CUX1: variants seen among roughly 807,000 people sequenced by gnomAD.
CUX1 encodes protein CASP.
Under a neutral mutation model 158.8 loss-of-function variants are expected in CUX1, and 31 were observed. The observed-to-expected ratio is 0.20, with a 90% CI of 0.15 to 0.26. CUX1 has a LOEUF of 0.26. Ranked by LOEUF, CUX1 falls within the 10% of genes least tolerant of loss-of-function variation. The pLI is 1.00. For synonymous variants in CUX1, 879 were observed against 862.1 expected (o/e 1.02, Z -0.34); for missense variants, 1,589 against 2,014.6 (o/e 0.79, Z 4.04).
intron 2 of CUX1, among the ~76,000 whole-genome samples, chr7:101,975,866 C>CA (rs781655512): frequency 6.6e-5 from 10 of 152,054 alleles, no homozygotes; most frequent in Non-Finnish European, 1.2e-4. Flanking sequence ...TAAGGCCGGG[C>CA]ACAGCTGCTC....
At chr7:102,045,450 C>T (rs1185256679) in intron 3 of CUX1, among the ~76,000 whole-genome samples, 1 of 152,244 alleles carries the variant, frequency 6.6e-6, no homozygotes, top group Non-Finnish European at 1.5e-5. Flanking sequence ...GCGCCCCCTC[C>T]GATGTGGGCT....
intron 20 of CUX1, among the ~76,000 whole-genome samples, chr7:102,209,378 C>T (rs1167171916): frequency 6.6e-6 from 1 of 152,178 alleles, no homozygotes; most frequent in Non-Finnish European, 1.5e-5. Context: ...CATTTTTAAG[C>T]AGCAGCGTCA....
chr7:102,068,582 G>T (rs1290512792), intron 3 of CUX1, among the ~76,000 whole-genome samples: 1 of 152,166 alleles, frequency 6.6e-6, no homozygotes, highest in African/African-American at 2.4e-5. Flanking sequence ...GCTCCCACTA[G>T]CCATCGTCCC....
At chr7:102,220,203 A>C (rs1797670638) in intron 20 of CUX1, among the ~76,000 whole-genome samples, 1 of 152,164 alleles carries the variant, frequency 6.6e-6, no homozygotes, top group South Asian at 2.1e-4. Context: ...TCTACTAAAA[A>C]TACAAAAATT....
intron 6 of CUX1, among the ~76,000 whole-genome samples, chr7:102,108,368 C>T (rs782277653): frequency 6.6e-6 from 1 of 152,126 alleles, no homozygotes; most frequent in South Asian, 2.1e-4. Context: ...TTTTTTGAGA[C>T]AGAGTCTTGC....
At chr7:102,076,982 C>T (rs1826803910) in intron 4 of CUX1, among the ~76,000 whole-genome samples, 5 of 149,670 alleles carry the variant, frequency 3.3e-5, no homozygotes, top group Admixed American at 1.3e-4. Context: ...TGCAGTGAGC[C>T]AAGATCACGC....
At chr7:102,172,931 T>A (rs1791891716) in intron 10 of CUX1, among the ~76,000 whole-genome samples, 3 of 152,080 alleles carry the variant, frequency 2.0e-5, no homozygotes, top group African/African-American at 7.2e-5. Context: ...CATGGTGGTA[T>A]GTGCCTGTAG....
At chr7:102,069,319 A>G (rs1483083217) in intron 3 of CUX1, among the ~76,000 whole-genome samples, 4 of 152,072 alleles carry the variant, frequency 2.6e-5, no homozygotes, top group African/African-American at 9.7e-5. Context: ...CAGCTCCTGC[A>G]TATGTATCCG....
intron 15 of CUX1, chr7:102,274,047 C>G: frequency 1.7e-6 from 1 of 573,202 alleles, no homozygotes; most frequent in Non-Finnish European, 3.2e-6. Context: ...AGGAGTGACT[C>G]AGGGCCCAGC....
intron 2 of CUX1, chr7:101,932,447 A>G: frequency 5.1e-6 from 2 of 395,310 alleles, no homozygotes; most frequent in Non-Finnish European, 5.1e-6. Flanking sequence ...GTTCTTTTGC[A>G]CTTTTGCATT....
intron 7 of CUX1, among the ~76,000 whole-genome samples, chr7:102,114,163 T>C (rs574577419): frequency 2.0e-5 from 3 of 152,224 alleles, no homozygotes; most frequent in Non-Finnish European, 4.4e-5. Context: ...TCAAGAAATA[T>C]TCATACCGTC....
In CUX1 at chr7:102,253,584, C is replaced by G. The variant is rs2132673023; in HGVS notation, c.*4542C>G. On this transcript the variant is annotated 3_prime_UTR_variant, in exon 24 of 24. Coordinates refer to ENST00000292535, the MANE Select transcript of CUX1 (RefSeq NM_181552.4). Reference sequence around the variant, plus strand: ...TTCCTCTGATTTTAGCAAAGCAAATCTTACTGAAAAATAGCAGAGCCAGGG... The same window carrying G: ...TTCCTCTGATTTTAGCAAAGCAAATGTTACTGAAAAATAGCAGAGCCAGGG... The G allele has an allele frequency of 1.0e-6, 1 of 985,444 alleles. No homozygotes were observed. The highest frequency in any genetic ancestry group is 1.2e-6 in the Non-Finnish European group (1 of 829,944). 61.0% of individuals were successfully genotyped at this position (985,444 alleles called of 1,614,324 possible).
At chr7:102,047,398 T>C (rs1056797842) in intron 3 of CUX1, among the ~76,000 whole-genome samples, 1 of 150,484 alleles carries the variant, frequency 6.6e-6, no homozygotes, top group African/African-American at 2.4e-5. Flanking sequence ...GATGGATGGA[T>C]AGATGATTGG....
intron 1 of CUX1, among the ~76,000 whole-genome samples, chr7:101,905,700 A>G (rs960345634): frequency 2.6e-5 from 4 of 152,216 alleles, no homozygotes; most frequent in Non-Finnish European, 1.5e-5. Flanking sequence ...CCTTCTGTTC[A>G]TTCGGCCCTA....
chr7:101,991,139 G>A (rs185349121), intron 2 of CUX1, among the ~76,000 whole-genome samples: 11 of 152,226 alleles, frequency 7.2e-5, no homozygotes, highest in South Asian at 2.1e-4. Context: ...CGCTTCCCCC[G>A]GGTGGCTTAT....
intron 2 of CUX1, among the ~76,000 whole-genome samples, chr7:102,021,846 C>T (rs576055117): frequency 6.6e-6 from 1 of 152,118 alleles, no homozygotes; most frequent in Non-Finnish European, 1.5e-5. Flanking sequence ...CAGGTGTGAG[C>T]CACCACACCC....
intron 8 of CUX1, 59 bp from the exon 9 acceptor site, chr7:102,158,501 G>T: frequency 6.4e-7 from 1 of 1,573,644 alleles, no homozygotes; most frequent in Non-Finnish European, 8.7e-7. Context: ...TGTCCCATCA[G>T]TCACCCCCTG....
intron 3 of CUX1, among the ~76,000 whole-genome samples, chr7:102,048,470 G>A (rs1463321861): frequency 6.6e-6 from 1 of 152,028 alleles, no homozygotes; most frequent in South Asian, 2.1e-4. Flanking sequence ...TTTGAACTCG[G>A]TCTAATATTC....
intron 1 of CUX1, among the ~76,000 whole-genome samples, chr7:101,825,623 A>G (rs1793163298): frequency 6.6e-6 from 1 of 152,156 alleles, no homozygotes; most frequent in South Asian, 2.1e-4. Context: ...TGGGAGAGGA[A>G]GGATATTGCC....
Sources: gnomAD v4.1 joint callset for allele counts (sites outside exome capture counted in the v4.1 genomes callset) on GRCh38, gnomAD v4.1.1 for gene constraint, MANE v1.5 for transcripts, NCBI Gene and HGNC (gene_info 2026-07-23, HGNC 2026-07-21) for gene names.